GTF2IRD1: variants seen among roughly 807,000 people sequenced by gnomAD.
The protein encoded by GTF2IRD1 is general transcription factor II-I repeat domain-containing protein 1.
A neutral mutation model predicts 113.2 loss-of-function variants in GTF2IRD1; 26 were observed. The ratio of observed to expected loss-of-function variants is 0.23; its 90% CI spans 0.17 to 0.32. The LOEUF is 0.32. GTF2IRD1 is among the 10% of genes least tolerant of loss of function. The pLI is 1.00. For synonymous variants in GTF2IRD1, 484 were observed against 529.1 expected, an observed-to-expected ratio of 0.91 and a Z score of 1.17; for missense variants, 864 against 1,280.8, an observed-to-expected ratio of 0.67 and a Z score of 4.97.
intron 1 of GTF2IRD1, among the ~76,000 whole-genome samples, chr7:74,456,220 C>T (rs959839648): frequency 2.0e-5 from 3 of 152,084 alleles, no homozygotes; most frequent in African/African-American, 4.8e-5. Flanking sequence ...AGGCCATCCA[C>T]GGTTTGGTGA....
At chr7:74,466,014 A>G (rs1314148848) in intron 1 of GTF2IRD1, among the ~76,000 whole-genome samples, 1 of 152,094 alleles carries the variant, frequency 6.6e-6, no homozygotes, top group Non-Finnish European at 1.5e-5. Context: ...CAAGTGATCC[A>G]CCCGCCTTGG....
At chr7:74,513,023 G>A in intron 3 of GTF2IRD1, 52 bp downstream of exon 3, 1 of 1,583,270 alleles carries the variant, frequency 6.3e-7, no homozygotes, top group Non-Finnish European at 8.6e-7. Flanking sequence ...CCGAGGGCAG[G>A]CGCTCTAGCC....
rs1554369383 is a variant in GTF2IRD1, at chr7:74,590,968, A to T, written c.2542A>T (p.Ile848Phe). 6.2e-7 allele frequency: 1 copy of T among 1,613,418 alleles called. No homozygotes were observed. The highest frequency in any genetic ancestry group is 8.5e-7 in the Non-Finnish European group (1 of 1,179,966). The change falls in exon 24 of 27, where the codon ATC becomes TTC. Residue 848 changes from isoleucine to phenylalanine, a missense_variant. Coordinates refer to ENST00000424337, the MANE Select transcript of GTF2IRD1 (RefSeq NM_005685.4). ...GTACGACATCCACCGGCTGGAGAAGATCCTGAAGGCCCGAGAGCATGTCCG... is the reference window on the plus strand; with the variant it reads ...GTACGACATCCACCGGCTGGAGAAGTTCCTGAAGGCCCGAGAGCATGTCCG... The part of the protein sequence containing the change: ...NTYDIHRLEK[I>F]LKAREHVRMV...
intron 25 of GTF2IRD1, among the ~76,000 whole-genome samples, chr7:74,596,459 CA>C (rs1184751959): frequency 3.3e-3 from 200 of 60,474 alleles, no homozygotes; most frequent in Admixed American, 5.1e-3. Flanking sequence ...GACTCTGTCT[CA>C]AAAAAAAAAA....
chr7:74,518,363 C>T, intron 5 of GTF2IRD1, 41 bp downstream of exon 5: 4 of 1,503,616 alleles, frequency 2.7e-6, no homozygotes, highest in Admixed American at 2.0e-5. Flanking sequence ...TGGGGCTGGG[C>T]CAGGGCCGGG....
In GTF2IRD1 at chr7:74,589,899, A is replaced by T; in HGVS notation, c.2369A>T (p.Gln790Leu). The T allele has an allele frequency of 4.3e-6, 7 of 1,611,440 alleles. No homozygotes were observed. The highest frequency in any genetic ancestry group is 5.9e-6 in the Non-Finnish European group (7 of 1,177,734). Residue 790 changes from glutamine to leucine, a missense_variant, in exon 23 of 27, where the codon CAG becomes CTG. Coordinates refer to ENST00000424337, the MANE Select transcript of GTF2IRD1 (RefSeq NM_005685.4). ...GGGGAGAAGGTGATCCTGCGGGAGC[A>T]GGTGAAGGAACTCTTCAACGAGAAA... Reference protein sequence around the residue: ...RLGEKVILREQVKELFNEKYG... With the variant: ...RLGEKVILRELVKELFNEKYG...
chr7:74,558,438 C>T (rs1264845685), intron 20 of GTF2IRD1, among the ~76,000 whole-genome samples: 1 of 131,360 alleles, frequency 7.6e-6, no homozygotes, highest in Non-Finnish European at 1.6e-5. Context: ...TGGTTCACTA[C>T]AGCCTCAAAC....
At chr7:74,454,409 C>T (rs1474817395) in intron 1 of GTF2IRD1, among the ~76,000 whole-genome samples, 1 of 151,546 alleles carries the variant, frequency 6.6e-6, no homozygotes, top group Non-Finnish European at 1.5e-5. Flanking sequence ...CGGGAGGGGC[C>T]GGGAGCTGGG....
chr7:74,460,690 T>G (rs1368220525), intron 1 of GTF2IRD1, among the ~76,000 whole-genome samples: 2 of 151,922 alleles, frequency 1.3e-5, no homozygotes, highest in Admixed American at 6.6e-5. Context: ...TTCTGGCCAA[T>G]GTGGTCCGTA....
chr7:74,546,535 T>A (rs1284589532), intron 16 of GTF2IRD1, among the ~76,000 whole-genome samples: 12 of 152,122 alleles, frequency 7.9e-5, no homozygotes, highest in Non-Finnish European at 1.6e-4. Flanking sequence ...TGTGTTCTTG[T>A]ATCCCATCTC....
At chr7:74,454,232 ACCCCCG>A (rs1562758148) in intron 1 of GTF2IRD1, 56 bp downstream of exon 1, 2 of 86,050 alleles carry the variant, frequency 2.3e-5, no homozygotes, top group Non-Finnish European at 4.6e-5. Flanking sequence ...CTTCTCCCCC[ACCCCCG>A]CCCCCGATCC....
intron 22 of GTF2IRD1, among the ~76,000 whole-genome samples, chr7:74,578,982 G>A (rs185553828): frequency 2.7e-4 from 40 of 148,148 alleles, no homozygotes; most frequent in African/African-American, 1.0e-3. Flanking sequence ...GCGAGATCCT[G>A]TCTCAAAAAA....
intron 11 of GTF2IRD1, 44 bp downstream of exon 11, chr7:74,536,319 C>A: frequency 4.1e-6 from 5 of 1,228,872 alleles, no homozygotes; most frequent in Non-Finnish European, 4.8e-6. Context: ...GCCAGCCCTG[C>A]TCTGGGCTGA....
intron 22 of GTF2IRD1, among the ~76,000 whole-genome samples, chr7:74,567,941 G>A (rs10276861): frequency 0.74 from 111,766 of 151,756 alleles, 41,406 homozygotes; most frequent in East Asian, 0.94. Flanking sequence ...GCGTGCTATC[G>A]CGCCCGACTA....
At chr7:74,526,137 C>T (rs1042985995) in intron 8 of GTF2IRD1, among the ~76,000 whole-genome samples, 2 of 152,250 alleles carry the variant, frequency 1.3e-5, no homozygotes, top group Non-Finnish European at 2.9e-5. Context: ...AGGGAGGAGC[C>T]GGCTCTGCCT....
At position 74,576,016 on chromosome 7, in the gene GTF2IRD1, T is replaced by C. The variant is rs371125290; in HGVS notation, c.2321-13835T>C. 6.8e-5 allele frequency among the ~76,000 whole-genome samples: 10 copies of C among 146,324 alleles called. No individual in the cohort carries two copies. In the East Asian group the frequency reaches 2.1e-3, roughly 30 times the overall value. Reference sequence around the variant, plus strand: ...GACCCCATCTCTAAAAAAAAAAAAATAGCTGCACGTAGTGCACACCTGTGG... The same window carrying C: ...GACCCCATCTCTAAAAAAAAAAAAACAGCTGCACGTAGTGCACACCTGTGG... On this transcript the variant is annotated intron_variant, in intron 22 of 26. Transcript: ENST00000424337.
chr7:74,463,410 A>G (rs1197776775), intron 1 of GTF2IRD1, among the ~76,000 whole-genome samples: 2 of 151,762 alleles, frequency 1.3e-5, no homozygotes, highest in African/African-American at 2.4e-5. Context: ...TAATTTTTTT[A>G]TTTTGTAGAG....
intron 2 of GTF2IRD1, among the ~76,000 whole-genome samples, chr7:74,508,921 C>T (rs1207038713): frequency 2.0e-5 from 3 of 152,060 alleles, no homozygotes; most frequent in Admixed American, 1.3e-4. Context: ...AAGAGAGAAA[C>T]CGAGCTTTGT....
chr7:74,586,217 C>T (rs1447800056), intron 22 of GTF2IRD1, among the ~76,000 whole-genome samples: 2 of 152,194 alleles, frequency 1.3e-5, no homozygotes, highest in African/African-American at 4.8e-5. Flanking sequence ...TGCTTCCCTG[C>T]AGGCTCTAGG....
Sources: allele counts gnomAD v4.1 joint callset (sites outside exome capture counted in the v4.1 genomes callset), GRCh38; gene constraint gnomAD v4.1.1; transcripts MANE v1.5; gene names NCBI Gene and HGNC (gene_info 2026-07-23, HGNC 2026-07-21).